NPHP3: variants seen among roughly 807,000 people sequenced by gnomAD.
The protein encoded by NPHP3 is nephrocystin 3.
Under a neutral mutation model 171.9 loss-of-function variants are expected in NPHP3, and 123 were observed. The ratio of observed to expected loss-of-function variants is 0.72; its 90% CI spans 0.62 to 0.83. The LOEUF (loss-of-function observed/expected upper bound fraction) is 0.83. Ranked by LOEUF, NPHP3 falls within the 40% of genes least tolerant of loss-of-function variation. NPHP3 has a pLI of 0.00. For synonymous variants in NPHP3, 558 were observed against 579.2 expected, an observed-to-expected ratio of 0.96 and a Z score of 0.52; for missense variants, 1,506 against 1,591.9, an observed-to-expected ratio of 0.95 and a Z score of 0.92.
At chr3:132,707,140 G>A (rs924841882) in intron 7 of NPHP3, among the ~76,000 whole-genome samples, 1 of 152,142 alleles carries the variant, frequency 6.6e-6, no homozygotes, top group South Asian at 2.1e-4. Flanking sequence ...TAAAAAGCCT[G>A]TAATATGTAT....
chr3:132,692,847 C>T (rs1939334943), intron 16 of NPHP3, 29 bp from the exon 17 acceptor site: 4 of 1,596,172 alleles, frequency 2.5e-6, no homozygotes, highest in Non-Finnish European at 3.4e-6. Flanking sequence ...TAACAGTAAT[C>T]ATAAAGCACC....
rs147399998 is a variant in NPHP3 at position 132,716,868 on chromosome 3, C to T, written c.712G>A (p.Gly238Arg). 1 of 1,614,152 alleles carries T rather than the reference C, an allele frequency of 6.2e-7. No individual in the cohort carries two copies. Among genetic ancestry groups the T allele is most frequent in the East Asian group, 2.2e-5 (1 of 44,886 alleles). ...ATGCTTCCTATGGAAGGTTCACTTCCCAAGGCTCCGCCAGTCCAATATTCA... is the reference window on the plus strand; with the variant it reads ...ATGCTTCCTATGGAAGGTTCACTTCTCAAGGCTCCGCCAGTCCAATATTCA... ...QCEYWTGGAL[G>R]SEPSIGSMIQ... is the part of the protein sequence containing the mutation. Residue 238 changes from glycine (G) to arginine (R), a missense_variant, in exon 4 of 27, where the codon GGA becomes AGA. By Grantham distance (125) the Gly-to-Arg change is moderately radical (BLOSUM62 -2). Transcript: ENST00000337331.
intron 21 of NPHP3, among the ~76,000 whole-genome samples, chr3:132,688,398 A>G (rs1316667090): frequency 6.6e-6 from 1 of 152,176 alleles, no homozygotes; most frequent in African/African-American, 2.4e-5. Context: ...TTAGTAAAGC[A>G]CTCAAAGTTA....
chr3:132,721,919 G>A (rs768342251), intron 1 of NPHP3, 44 bp downstream of exon 1: 131 of 1,604,104 alleles, frequency 8.2e-5, no homozygotes, highest in Non-Finnish European at 1.0e-4. Flanking sequence ...GGACGGCCGT[G>A]CTTCCCAAGG....
Position 132,704,342 on chromosome 3 carries a change from C to T in NPHP3, c.1380G>A (p.Leu460=), listed in dbSNP as rs753240510. The T allele has an allele frequency of 1.2e-6, 2 of 1,614,102 alleles. No homozygotes were observed. The highest frequency in any genetic ancestry group is 1.7e-6 in the Non-Finnish European group (2 of 1,180,028). The change falls in exon 9 of 27, where the codon TTG becomes TTA. Residue 460 remains leucine (L), a synonymous_variant. Transcript: ENST00000337331. ...CCTCACTGCCCAAATCCTTAGTCTCCAAGTCTGTGTTCTCAAAACCCAGTA... is the reference window on the plus strand; with the variant it reads ...CCTCACTGCCCAAATCCTTAGTCTCTAAGTCTGTGTTCTCAAAACCCAGTA... The part of the protein sequence containing the change: ...QDILGFENTD[L]ETKDLGSEDS...
At chr3:132,719,614 T>G in intron 2 of NPHP3, 91 bp downstream of exon 2, 1 of 851,786 alleles carries the variant, frequency 1.2e-6, no homozygotes, top group Non-Finnish European at 1.6e-6. Flanking sequence ...GACTTACTTC[T>G]ATTTATTCAT....
chr3:132,712,110 G>T (rs901575516), intron 6 of NPHP3, among the ~76,000 whole-genome samples: 1 of 151,924 alleles, frequency 6.6e-6, no homozygotes, highest in African/African-American at 2.4e-5. Flanking sequence ...TATCTAACTG[G>T]TGAAAAAAAA....
intron 7 of NPHP3, among the ~76,000 whole-genome samples, chr3:132,706,401 AT>A (rs952602823): frequency 4.4e-4 from 65 of 146,686 alleles, no homozygotes; most frequent in East Asian, 1.2e-3. Flanking sequence ...AGAAGTATAC[AT>A]TTTTTTTTTG....
intron 15 of NPHP3, among the ~76,000 whole-genome samples, chr3:132,696,186 A>T (rs187650013): frequency 3.0e-4 from 45 of 152,316 alleles, no homozygotes; most frequent in Non-Finnish European, 5.1e-4. Context: ...GAAGAAATAA[A>T]AGTAGTAAAA....
In NPHP3 at chr3:132,719,839, AT is replaced by A; in HGVS notation, c.394-10del. 6.4e-7 allele frequency: 1 copy of A among 1,566,790 alleles called. No homozygotes were observed. Among genetic ancestry groups the A allele is most frequent in the Non-Finnish European group, 8.7e-7 (1 of 1,151,880 alleles). On this transcript the variant is annotated splice_polypyrimidine_tract_variant and intron_variant, in intron 1 of 26. Coordinates refer to ENST00000337331, the MANE Select transcript of NPHP3 (RefSeq NM_153240.5). ...TACGTTTTTTGAAGTGCCTAGAATA[AT>A]TTACCTTGTTATTTCCTAACAAAAA...
chr3:132,713,269 A>C lies in NPHP3; in HGVS notation c.975T>G (p.Leu325=). Residue 325 remains leucine, a synonymous_variant, in exon 6 of 27, where the codon CTT becomes CTG. Coordinates refer to ENST00000337331, the MANE Select transcript of NPHP3 (RefSeq NM_153240.5). Reference sequence around the variant, plus strand: ...ATCCCATTGTCTCGCACATTCTCTTAAGTTTAGGTGAATAGTCCTAAAAAC... The same window carrying C: ...ATCCCATTGTCTCGCACATTCTCTTCAGTTTAGGTGAATAGTCCTAAAAAC... The part of the protein sequence containing the change: ...DLFLKDYSPK[L]KRMCETMGYF... The C allele has an allele frequency of 6.2e-7, 1 of 1,601,370 alleles. No homozygotes were observed. The highest frequency in any genetic ancestry group is 8.5e-7 in the Non-Finnish European group (1 of 1,173,540).
chr3:132,704,755 T>C (rs879352352), intron 8 of NPHP3, among the ~76,000 whole-genome samples: 41 of 152,354 alleles, frequency 2.7e-4, no homozygotes, highest in Non-Finnish European at 5.4e-4. Flanking sequence ...GATTTCTTGA[T>C]CTCAAGTATC....
At chr3:132,721,790 G>C (rs1940229027) in intron 1 of NPHP3, 173 bp downstream of exon 1, 2 of 891,000 alleles carry the variant, frequency 2.2e-6, no homozygotes, top group South Asian at 1.4e-5. Flanking sequence ...TCCAAAAAAA[G>C]AGACAGAAAA....
At position 132,716,911 on chromosome 3, in the gene NPHP3, T is replaced by C. The variant is rs774578786; in HGVS notation, c.671-2A>G. ...AATATTCACATTGGGTTCCAGCAGC[T>C]GTTCAGCAAGAGATTTTTATCTTGT... On this transcript the variant is annotated splice_acceptor_variant, in intron 3 of 26. Transcript: ENST00000337331. LOFTEE classifies it high-confidence loss of function. 1.9e-6 allele frequency: 3 copies of C among 1,613,680 alleles called. No homozygotes were observed. The highest frequency in any genetic ancestry group is 2.5e-6 in the Non-Finnish European group (3 of 1,180,020).
chr3:132,700,152 T>A (rs1939567946), intron 11 of NPHP3, 91 bp from the exon 12 acceptor site: 1 of 1,507,354 alleles, frequency 6.6e-7, no homozygotes, highest in Admixed American at 1.7e-5. Context: ...ATTCTTACTT[T>A]TTTATAAACC....
At chr3:132,705,690 A>T (rs1289625769) in intron 8 of NPHP3, 50 bp downstream of exon 8, 1 of 990,722 alleles carries the variant, frequency 1.0e-6, no homozygotes, top group Non-Finnish European at 1.6e-6. Flanking sequence ...TTTCATAGAA[A>T]GTGATCTTAA....
At chr3:132,702,336 TG>T (rs1396808260) in intron 9 of NPHP3, among the ~76,000 whole-genome samples, 25 of 152,122 alleles carry the variant, frequency 1.6e-4, no homozygotes, top group Non-Finnish European at 1.5e-4. Flanking sequence ...TCTGGGGACT[TG>T]GAGTCTCCCA....
chr3:132,704,424 C>T (rs1245116917), intron 8 of NPHP3, 53 bp from the exon 9 acceptor site: 2 of 1,607,670 alleles, frequency 1.2e-6, no homozygotes, highest in African/African-American at 1.3e-5. Context: ...AAAGATCTTA[C>T]AGCGGGGTCA....
Position 132,688,903 on chromosome 3 carries a change from A to C in NPHP3, c.2884-12T>G, listed in dbSNP as rs535097040. ...AAAGGTACTATGGCCTGGGGGGAAA[A>C]GGGGTGAAAGGCCAGTTAAAGTGAG... On this transcript the variant is annotated splice_polypyrimidine_tract_variant and intron_variant, in intron 20 of 26. Transcript: ENST00000337331. The C allele has an allele frequency of 3.7e-6, 6 of 1,614,004 alleles. No homozygotes were observed. The South Asian group carries it at 5.5e-5, about 15-fold the overall frequency.
Sources: gnomAD v4.1 joint callset for allele counts (sites outside exome capture counted in the v4.1 genomes callset) on GRCh38, gnomAD v4.1.1 for gene constraint, MANE v1.5 for transcripts, NCBI Gene and HGNC (gene_info 2026-07-23, HGNC 2026-07-21) for gene names.